Variants in PIBF1 observed in about 807,000 individuals in gnomAD.
PIBF1 encodes the protein progesterone-induced-blocking factor 1.
In PIBF1, 90 loss-of-function variants were observed where a neutral mutation model predicts 112.5. That is an observed-to-expected ratio of 0.80 (90% CI 0.67 to 0.95). The LOEUF is 0.95. Ranked by LOEUF, PIBF1 falls within the 40% of genes least tolerant of loss-of-function variation. The probability of loss-of-function intolerance (pLI) is 0.00; values close to 1 mark genes in which losing one functional copy is unlikely to be tolerated. For missense variants in PIBF1, 915 were observed against 852.3 expected (o/e 1.07, Z -0.92); for synonymous variants, 301 against 288.6 (o/e 1.04, Z -0.44).
At chr13:72,920,197 A>G (rs575151467) in intron 13 of PIBF1, among the ~76,000 whole-genome samples, 27 of 152,336 alleles carry the variant, frequency 1.8e-4, no homozygotes, top group African/African-American at 5.5e-4. Context: ...CAAATATTCT[A>G]AAGATTCTAT....
intron 13 of PIBF1, among the ~76,000 whole-genome samples, chr13:72,925,831 C>T (rs796357724): frequency 7.2e-5 from 11 of 152,104 alleles, no homozygotes; most frequent in South Asian, 6.2e-4. Flanking sequence ...CATGAGCCAC[C>T]GCACCCGGCC....
intron 5 of PIBF1, among the ~76,000 whole-genome samples, chr13:72,801,344 T>C (rs964591614): frequency 6.6e-6 from 1 of 152,024 alleles, no homozygotes; most frequent in Non-Finnish European, 1.5e-5. Flanking sequence ...CACTCGCAGA[T>C]GAACTATGTA....
chr13:72,785,562 G>A (rs902572060), intron 2 of PIBF1, among the ~76,000 whole-genome samples: 24 of 152,156 alleles, frequency 1.6e-4, no homozygotes, highest in African/African-American at 7.2e-5. Context: ...CACAAGTGAA[G>A]CTCCAAACAC....
intron 5 of PIBF1, among the ~76,000 whole-genome samples, chr13:72,812,951 C>G (rs143677636): frequency 6.6e-6 from 1 of 150,472 alleles, no homozygotes; most frequent in Non-Finnish European, 1.5e-5. Context: ...GACTCCGCCT[C>G]AAAAAAAAGA....
chr13:72,931,345 CA>C, intron 14 of PIBF1, 78 bp downstream of exon 14: 1 of 950,118 alleles, frequency 1.1e-6, no homozygotes, highest in Non-Finnish European at 1.6e-6. Context: ...TTTTTCTAAG[CA>C]GTTTTAAAAT....
At chr13:72,928,024 T>TATATACAC (rs1448630819) in intron 13 of PIBF1, among the ~76,000 whole-genome samples, 9 of 69,374 alleles carry the variant, frequency 1.3e-4, no homozygotes, top group African/African-American at 4.5e-4. Context: ...TACATATATA[T>TATATACAC]ACATATATAT....
rs989045682 is a variant in PIBF1, at chr13:72,953,091, A to G, written c.1834-12183A>G. On this transcript the variant is annotated intron_variant, in intron 14 of 17. Transcript: ENST00000326291. ...ATGCACTGAGGTCTTTTCAGGGAGA[A>G]GGGAGGGAGCCACCACAGCTCTCCT... 7.2e-5 allele frequency among the ~76,000 whole-genome samples: 11 copies of G among 152,080 alleles called. No homozygotes were observed. The East Asian group carries it at 1.9e-3, about 27-fold the overall frequency.
intron 16 of PIBF1, among the ~76,000 whole-genome samples, chr13:72,976,733 C>A (rs1045468852): frequency 6.6e-6 from 1 of 152,136 alleles, no homozygotes; most frequent in South Asian, 2.1e-4. Flanking sequence ...CTGGTGTGAC[C>A]CCCTAGAAAT....
At chr13:72,825,900 CAA>C (rs373047064) in intron 6 of PIBF1, among the ~76,000 whole-genome samples, 6 of 77,690 alleles carry the variant, frequency 7.7e-5, no homozygotes, top group African/African-American at 1.0e-4. Context: ...ACCGTCTTTA[CAA>C]AAAAAAAAAA....
chr13:72,848,831 CAA>C (rs1250173775), intron 9 of PIBF1, among the ~76,000 whole-genome samples: 9 of 93,808 alleles, frequency 9.6e-5, no homozygotes, highest in African/African-American at 8.5e-5. Context: ...GACTCCGTCT[CAA>C]AAAAAAAAAA....
At chr13:72,956,582 A>G (rs1018468629) in intron 14 of PIBF1, among the ~76,000 whole-genome samples, 21 of 152,152 alleles carry the variant, frequency 1.4e-4, no homozygotes, top group African/African-American at 4.8e-4. Context: ...CATTATGGAT[A>G]TTCTAGAAAT....
intron 8 of PIBF1, among the ~76,000 whole-genome samples, chr13:72,833,992 TTAGA>T (rs910041569): frequency 2.0e-5 from 3 of 152,204 alleles, no homozygotes; most frequent in South Asian, 2.1e-4. Context: ...CCTATTTCTT[TTAGA>T]TAGATAGATA....
At chr13:72,942,478 G>C (rs2042040102) in intron 14 of PIBF1, among the ~76,000 whole-genome samples, 1 of 151,964 alleles carries the variant, frequency 6.6e-6, no homozygotes, top group Non-Finnish European at 1.5e-5. Context: ...AATCCCTTGT[G>C]ATCTTTTTAG....
At chr13:72,908,305 T>G (rs2040770099) in intron 11 of PIBF1, among the ~76,000 whole-genome samples, 1 of 152,150 alleles carries the variant, frequency 6.6e-6, no homozygotes, top group South Asian at 2.1e-4. Flanking sequence ...TTTATTCAGC[T>G]TATAAAATAA....
intron 5 of PIBF1, among the ~76,000 whole-genome samples, chr13:72,805,154 G>A (rs1487905797): frequency 1.3e-5 from 2 of 151,870 alleles, no homozygotes; most frequent in African/African-American, 2.4e-5. Flanking sequence ...TTGTTTGTTT[G>A]TTTTTTGAGA....
chr13:72,852,155 C>T (rs899577625), intron 9 of PIBF1, among the ~76,000 whole-genome samples: 2 of 152,170 alleles, frequency 1.3e-5, no homozygotes, highest in African/African-American at 4.8e-5. Flanking sequence ...GAAACATGCC[C>T]CTCACTCGCC....
intron 8 of PIBF1, among the ~76,000 whole-genome samples, chr13:72,831,696 G>A (rs112193636): frequency 0.14 from 21,422 of 151,898 alleles, 1,671 homozygotes; most frequent in Non-Finnish European, 0.17. Context: ...TATGTGGTCA[G>A]TTTTAGAGTG....
intron 15 of PIBF1, among the ~76,000 whole-genome samples, chr13:72,971,748 T>C (rs564493299): frequency 2.0e-5 from 3 of 152,336 alleles, no homozygotes; most frequent in African/African-American, 7.2e-5. Context: ...TGGGGTGGTA[T>C]GTGTTATGCT....
At chr13:72,860,903 G>A (rs978024039) in intron 10 of PIBF1, among the ~76,000 whole-genome samples, 5 of 152,162 alleles carry the variant, frequency 3.3e-5, no homozygotes, top group African/African-American at 1.2e-4. Context: ...TCATGAACAT[G>A]AACAGTTATT....
Sources: allele counts gnomAD v4.1 joint callset (sites outside exome capture counted in the v4.1 genomes callset), GRCh38; gene constraint gnomAD v4.1.1; transcripts MANE v1.5; gene names NCBI Gene and HGNC (gene_info 2026-07-23, HGNC 2026-07-21).